The following TULP4 variants were observed in gnomAD, a reference collection of about 807,000 sequenced individuals.
TULP4 encodes the protein tubby-related protein 4.
In TULP4, 16 loss-of-function variants were observed where a neutral mutation model predicts 129.0. The observed-to-expected ratio is 0.12, with a 90% CI of 0.08 to 0.19. The LOEUF (loss-of-function observed/expected upper bound fraction) is 0.19, where lower values mean the gene tolerates loss of function less well. TULP4 is among the 10% of genes least tolerant of loss of function. TULP4 has a pLI of 1.00. For synonymous variants in TULP4, 998 were observed against 854.0 expected, an observed-to-expected ratio of 1.17 and a Z score of -2.94; for missense variants, 1,842 against 2,059.1, an observed-to-expected ratio of 0.89 and a Z score of 2.04.
At chr6:158,423,136 A>G (rs2779087) in intron 2 of TULP4, among the ~76,000 whole-genome samples, 13,224 of 100,318 alleles carry the variant, frequency 0.13, 1,764 homozygotes, top group Non-Finnish European at 0.22. Context: ...GGGGGGGGGG[A>G]AAGAAACCTT....
intron 1 of TULP4, among the ~76,000 whole-genome samples, chr6:158,297,461 CG>C (rs1779054582): frequency 6.6e-6 from 1 of 151,854 alleles, no homozygotes; most frequent in East Asian, 1.9e-4. Flanking sequence ...CCTCAGCTTA[CG>C]AAGATAACGG....
chr6:158,366,999 C>G (rs1429031288), intron 1 of TULP4, among the ~76,000 whole-genome samples: 2 of 152,114 alleles, frequency 1.3e-5, no homozygotes, highest in Non-Finnish European at 2.9e-5. Context: ...AGAAGCTTTT[C>G]CAGTTTTATT....
intron 1 of TULP4, among the ~76,000 whole-genome samples, chr6:158,259,745 C>T (rs188471524): frequency 1.5e-3 from 228 of 152,332 alleles, no homozygotes; most frequent in African/African-American, 5.1e-3. Flanking sequence ...TTCTGACCAA[C>T]TGGCTGTAAA....
At chr6:158,305,277 C>T (rs1276683275) in intron 1 of TULP4, among the ~76,000 whole-genome samples, 1 of 151,314 alleles carries the variant, frequency 6.6e-6, no homozygotes, top group Non-Finnish European at 1.5e-5. Context: ...TAGCATGTAC[C>T]AGAATTACTC....
chr6:158,506,883 C>T lies in TULP4; in HGVS notation c.*189C>T. On this transcript the variant is annotated 3_prime_UTR_variant, in exon 14 of 14. Transcript: ENST00000367097. ...CATTTATTTGGTTGGGTTTTATTAC[C>T]TTTTATTGTCTGTTCTTCTTTTCTT... 1.7e-6 allele frequency: 1 copy of T among 578,904 alleles called. No homozygotes were observed. 35.9% of individuals were successfully genotyped at this position (578,904 alleles called of 1,614,324 possible). A position where few individuals can be genotyped will look rare whatever the true frequency, so the allele number is the denominator to read the frequency against.
intron 1 of TULP4, among the ~76,000 whole-genome samples, chr6:158,408,194 C>T (rs1778009342): frequency 6.6e-6 from 1 of 152,148 alleles, no homozygotes; most frequent in Non-Finnish European, 1.5e-5. Flanking sequence ...AGGTGCTGCA[C>T]GCAGAGCAAG....
At chr6:158,336,845 C>CT (rs1355348307) in intron 1 of TULP4, among the ~76,000 whole-genome samples, 13 of 151,650 alleles carry the variant, frequency 8.6e-5, no homozygotes, top group Non-Finnish European at 1.6e-4. Flanking sequence ...CAATTCACTT[C>CT]TTTTTTTTAA....
At chr6:158,489,503 C>G in intron 8 of TULP4, 85 bp from the exon 9 acceptor site, 1 of 1,530,820 alleles carries the variant, frequency 6.5e-7, no homozygotes, top group Non-Finnish European at 8.9e-7. Context: ...TGGAGTCCGT[C>G]TGTCTTTTAG....
intron 1 of TULP4, among the ~76,000 whole-genome samples, chr6:158,326,169 A>G (rs1316505612): frequency 6.6e-6 from 1 of 152,194 alleles, no homozygotes; most frequent in Non-Finnish European, 1.5e-5. Flanking sequence ...GTAGGGTACT[A>G]TGATTGTATT....
At chr6:158,331,747 G>GTA (rs1194424498) in intron 1 of TULP4, among the ~76,000 whole-genome samples, 17,670 of 28,552 alleles carry the variant, frequency 0.62, 6,546 homozygotes, top group Middle Eastern at 0.68. Context: ...ATATATACGT[G>GTA]TATATACACG....
At chr6:158,441,687 C>T (rs1778902616) in intron 3 of TULP4, among the ~76,000 whole-genome samples, 1 of 152,180 alleles carries the variant, frequency 6.6e-6, no homozygotes, top group Non-Finnish European at 1.5e-5. Flanking sequence ...CTCTCTGGGC[C>T]CTCTTCTCAG....
At chr6:158,409,809 G>A (rs1778052716) in intron 1 of TULP4, among the ~76,000 whole-genome samples, 1 of 152,248 alleles carries the variant, frequency 6.6e-6, no homozygotes, top group Admixed American at 6.5e-5. Flanking sequence ...AGCAAAGTAT[G>A]TAAATGGGAC....
intron 1 of TULP4, among the ~76,000 whole-genome samples, chr6:158,317,977 T>C (rs1163199502): frequency 6.6e-6 from 1 of 152,252 alleles, no homozygotes; most frequent in Non-Finnish European, 1.5e-5. Flanking sequence ...TGTCTGTTCA[T>C]ATCCTTTGCC....
chr6:158,438,616 G>A (rs965647027), intron 3 of TULP4, among the ~76,000 whole-genome samples: 2 of 151,866 alleles, frequency 1.3e-5, no homozygotes, highest in African/African-American at 2.4e-5. Flanking sequence ...ACAGAGTCTC[G>A]CTCTGTTGCC....
chr6:158,359,752 T>G (rs1025413585), intron 1 of TULP4, among the ~76,000 whole-genome samples: 3 of 152,144 alleles, frequency 2.0e-5, no homozygotes, highest in Non-Finnish European at 2.9e-5. Flanking sequence ...CAAGTTGACA[T>G]TGAATATTAA....
chr6:158,318,300 C>G (rs1334181588), intron 1 of TULP4, among the ~76,000 whole-genome samples: 1 of 152,020 alleles, frequency 6.6e-6, no homozygotes, highest in East Asian at 1.9e-4. Flanking sequence ...CCTCTACTCT[C>G]CCCCACCCAC....
chr6:158,236,976 A>G (rs757788560), intron 1 of TULP4, among the ~76,000 whole-genome samples: 33 of 151,670 alleles, frequency 2.2e-4, no homozygotes, highest in Non-Finnish European at 3.8e-4. Flanking sequence ...ACACCCAGCT[A>G]ATTTTTGTAT....
At chr6:158,443,617 C>T (rs146828680) in intron 3 of TULP4, among the ~76,000 whole-genome samples, 26 of 152,234 alleles carry the variant, frequency 1.7e-4, no homozygotes, top group African/African-American at 1.9e-4. Context: ...AATCTTTAGA[C>T]ATAGGAGAGT....
chr6:158,290,404 C>T (rs991171589), intron 1 of TULP4, among the ~76,000 whole-genome samples: 12 of 152,164 alleles, frequency 7.9e-5, no homozygotes, highest in African/African-American at 2.7e-4. Context: ...CTTATATATT[C>T]TAGTTGTTAA....
Sources: gnomAD v4.1 joint callset for allele counts (sites outside exome capture counted in the v4.1 genomes callset) on GRCh38, gnomAD v4.1.1 for gene constraint, MANE v1.5 for transcripts, NCBI Gene and HGNC (gene_info 2026-07-23, HGNC 2026-07-21) for gene names.